DGKK: variants seen among roughly 807,000 people sequenced by gnomAD.
DGKK encodes the protein diacylglycerol kinase kappa.
A neutral mutation model predicts 92.2 loss-of-function variants in DGKK; 35 were observed. That is an observed-to-expected ratio of 0.38 (90% CI 0.29 to 0.50). DGKK has a LOEUF of 0.50. Ranked by LOEUF, DGKK falls within the 20% of genes least tolerant of loss-of-function variation. The pLI is 0.92. For synonymous variants in DGKK, 368 were observed against 360.6 expected, an observed-to-expected ratio of 1.02 and a Z score of -0.23; for missense variants, 910 against 992.2, an observed-to-expected ratio of 0.92 and a Z score of 1.11.
rs1261097725 is a variant in DGKK at position 50,367,953 on chromosome X, G to A, written c.*987C>T. 2 of 109,758 alleles carry A rather than the reference G, an allele frequency of 1.8e-5. No homozygotes were observed. Among genetic ancestry groups the A allele is most frequent in the African/African-American group, 6.7e-5 (2 of 30,046 alleles). The allele number at this position is 109,758 out of a possible 1,213,427, so 9.0% of individuals were successfully genotyped here. A position where few individuals can be genotyped will look rare whatever the true frequency, so the allele number is the denominator to read the frequency against. On this transcript the variant is annotated 3_prime_UTR_variant, in exon 28 of 28. Transcript: ENST00000611977. ...AATAGGGCAGTTGGTAGAGGTGTAT[G>A]TGTTATTGTTATGTAGAGTAAGGGG...
intron 1 of DGKK, among the ~76,000 whole-genome samples, chrX:50,434,622 C>T (rs1557230599): frequency 9.1e-6 from 1 of 110,191 alleles, no homozygotes; most frequent in African/African-American, 3.3e-5. Flanking sequence ...AGATTTCCCA[C>T]TAGTTTAGCT....
At chrX:50,431,915 G>A (rs1406755787) in intron 1 of DGKK, among the ~76,000 whole-genome samples, 2 of 111,282 alleles carry the variant, frequency 1.8e-5, no homozygotes, top group African/African-American at 6.5e-5. Context: ...TTCCTTGTCT[G>A]TTAGATGAGA....
chrX:50,378,776 G>A, intron 20 of DGKK, 85 bp from the exon 21 acceptor site: 2 of 736,200 alleles, frequency 2.7e-6, no homozygotes, highest in East Asian at 3.5e-5. Flanking sequence ...AAAGGCTCCT[G>A]GTGAGAATTT....
intron 9 of DGKK, 46 bp from the exon 10 acceptor site, chrX:50,392,495 T>C (rs1924725769): frequency 1.7e-5 from 17 of 1,029,458 alleles, no homozygotes; most frequent in Middle Eastern, 2.6e-4. Flanking sequence ...AACAGCTGGG[T>C]TTTGTAACTT....
chrX:50,432,558 T>C (rs1165694133), intron 1 of DGKK, among the ~76,000 whole-genome samples: 2 of 112,617 alleles, frequency 1.8e-5, no homozygotes, highest in Non-Finnish European at 3.8e-5. Context: ...CATAGCATTC[T>C]ACTAAATGAA....
intron 4 of DGKK, among the ~76,000 whole-genome samples, chrX:50,405,122 G>A (rs1018409438): frequency 8.9e-6 from 1 of 112,327 alleles, no homozygotes; most frequent in Admixed American, 9.4e-5. Context: ...TAGTGAACAA[G>A]ACACAACCCC....
intron 1 of DGKK, among the ~76,000 whole-genome samples, chrX:50,447,176 A>T (rs1602300061): frequency 1.1e-5 from 1 of 92,922 alleles, no homozygotes; most frequent in Non-Finnish European, 2.1e-5. Context: ...AAGCATGACT[A>T]TTGTGTGTGT....
chrX:50,426,562 C>A (rs1229766015), intron 1 of DGKK, among the ~76,000 whole-genome samples: 1 of 111,110 alleles, frequency 9.0e-6, no homozygotes. Context: ...TTTGGTTATT[C>A]AGAGCCTACT....
At chrX:50,400,171 T>A (rs1310251396) in intron 8 of DGKK, among the ~76,000 whole-genome samples, 1 of 112,139 alleles carries the variant, frequency 8.9e-6, no homozygotes, top group East Asian at 2.8e-4. Context: ...CTAAAGCTCA[T>A]AATTGCCTAG....
At chrX:50,456,623 A>T (rs1223260230) in intron 1 of DGKK, among the ~76,000 whole-genome samples, 12 of 111,920 alleles carry the variant, frequency 1.1e-4, no homozygotes, top group African/African-American at 3.9e-4. Flanking sequence ...ATTTTAATAA[A>T]TGTGCATTTT....
chrX:50,374,537 AG>A (rs1220201870), intron 25 of DGKK, among the ~76,000 whole-genome samples: 1 of 111,380 alleles, frequency 9.0e-6, no homozygotes, highest in African/African-American at 3.3e-5. Flanking sequence ...ATAGCTAGTA[AG>A]TGGCAGATTT....
intron 1 of DGKK, among the ~76,000 whole-genome samples, chrX:50,446,518 T>C (rs1442499359): frequency 1.8e-5 from 2 of 111,864 alleles, no homozygotes; most frequent in Non-Finnish European, 3.8e-5. Flanking sequence ...CTATTGTATA[T>C]CTTCTTGGAT....
intron 1 of DGKK, among the ~76,000 whole-genome samples, chrX:50,443,728 G>A (rs1377575804): frequency 2.7e-5 from 3 of 109,406 alleles, no homozygotes; most frequent in Non-Finnish European, 5.7e-5. Context: ...GTGTGTGTGT[G>A]TGTGTGTGTA....
rs1557224781 is a variant in DGKK, at chrX:50,384,719, C to T, written c.2452+1G>A. 2.5e-6 allele frequency: 3 copies of T among 1,204,891 alleles called. No individual in the cohort carries two copies. Among genetic ancestry groups the T allele is most frequent in the East Asian group, 3.0e-5 (1 of 33,695 alleles). The stretch of plus-strand genomic sequence containing the variant: ...AGGGAAGAAGACAGAAAGATCCTTA[C>T]GGCGTCGTGGGCTTGTCTGGTTAAT... On this transcript the variant is annotated splice_donor_variant, in intron 16 of 27. Transcript: ENST00000611977. LOFTEE classifies it high-confidence loss of function.
intron 1 of DGKK, among the ~76,000 whole-genome samples, chrX:50,465,009 G>A (rs1008644164): frequency 1.3e-4 from 14 of 111,325 alleles, no homozygotes; most frequent in East Asian, 2.8e-4. Context: ...TTATGTAATC[G>A]GGAAAATAAT....
intron 8 of DGKK, among the ~76,000 whole-genome samples, chrX:50,398,743 G>A (rs782510743): frequency 8.9e-6 from 1 of 111,774 alleles, no homozygotes; most frequent in African/African-American, 3.2e-5. Context: ...AAGGAGAGGC[G>A]GCAACCCTCT....
chrX:50,377,067 TC>T (rs782215626), intron 22 of DGKK, 149 bp from the exon 23 acceptor site: 4 of 457,855 alleles, frequency 8.7e-6, no homozygotes, highest in Non-Finnish European at 1.1e-5. Flanking sequence ...ATTCCCCCTG[TC>T]ATACCCATCT....
At chrX:50,434,440 C>T (rs1458652198) in intron 1 of DGKK, among the ~76,000 whole-genome samples, 1 of 111,434 alleles carries the variant, frequency 9.0e-6, no homozygotes, top group African/African-American at 3.3e-5. Context: ...ATCTTTTTTA[C>T]TTTACTGTCT....
intron 1 of DGKK, among the ~76,000 whole-genome samples, chrX:50,466,108 T>G (rs782000405): frequency 1.0e-5 from 1 of 98,135 alleles, no homozygotes; most frequent in Non-Finnish European, 2.0e-5. Context: ...GAGATTTTAA[T>G]AAGTGCATAA....
Sources: allele counts gnomAD v4.1 joint callset (sites outside exome capture counted in the v4.1 genomes callset), GRCh38; gene constraint gnomAD v4.1.1; transcripts MANE v1.5; gene names NCBI Gene and HGNC (gene_info 2026-07-23, HGNC 2026-07-21).